Variants in ZAP70 observed in about 807,000 individuals in gnomAD.
The protein encoded by ZAP70 is tyrosine-protein kinase ZAP-70.
A neutral mutation model predicts 65.8 loss-of-function variants in ZAP70; 27 were observed. The observed-to-expected ratio is 0.41, with a 90% CI of 0.30 to 0.57. The LOEUF is 0.57. ZAP70 is among the 20% of genes least tolerant of loss of function. The pLI is 0.28. For synonymous variants in ZAP70, 363 were observed against 360.8 expected, an observed-to-expected ratio of 1.01 and a Z score of -0.07; for missense variants, 696 against 870.5, an observed-to-expected ratio of 0.80 and a Z score of 2.52.
intron 2 of ZAP70, among the ~76,000 whole-genome samples, chr2:97,720,397 T>G (rs924405512): frequency 5.9e-5 from 9 of 152,070 alleles, no homozygotes; most frequent in African/African-American, 2.2e-4. Flanking sequence ...CCGACTAATT[T>G]TTTTGTATTT....
At chr2:97,719,848 C>T (rs1677092941) in intron 2 of ZAP70, among the ~76,000 whole-genome samples, 1 of 152,154 alleles carries the variant, frequency 6.6e-6, no homozygotes, top group Non-Finnish European at 1.5e-5. Flanking sequence ...TCCGTCCTGC[C>T]CTCTGTCGTC....
At chr2:97,734,206 C>G (rs1188792578) in intron 8 of ZAP70, 1 of 511,922 alleles carries the variant, frequency 2.0e-6, no homozygotes, top group Admixed American at 3.9e-5. Context: ...GGGACGGGCC[C>G]GGCCATAGGC....
intron 4 of ZAP70, among the ~76,000 whole-genome samples, chr2:97,730,946 T>A (rs111518023): frequency 3.6e-4 from 54 of 151,506 alleles, no homozygotes; most frequent in Non-Finnish European, 7.1e-4. Context: ...TCCCAGCTAC[T>A]TGGGAGGCTG....
chr2:97,739,330 C>T, intron 13 of ZAP70, 45 bp from the exon 14 acceptor site: 1 of 1,610,588 alleles, frequency 6.2e-7, no homozygotes, highest in Non-Finnish European at 8.5e-7. Context: ...GAAGCTGGGT[C>T]CTGGGGGCGT....
At chr2:97,716,545 G>C (rs1407075178) in intron 2 of ZAP70, among the ~76,000 whole-genome samples, 2 of 152,200 alleles carry the variant, frequency 1.3e-5, no homozygotes, top group Admixed American at 6.5e-5. Context: ...AGGCCTCCTG[G>C]AGGAGGTGAC....
chr2:97,741,505 C>G (rs539399729), downstream of ZAP70, among the ~76,000 whole-genome samples: 4 of 151,200 alleles, frequency 2.6e-5, no homozygotes, highest in Admixed American at 2.0e-4. Flanking sequence ...AGCTCCCCGT[C>G]CCCCCCAGGT....
the ZAP70 span, among the ~76,000 whole-genome samples, chr2:97,755,142 G>A: frequency 3.9e-5 from 6 of 152,172 alleles, no homozygotes; most frequent in Non-Finnish European, 7.3e-5. Flanking sequence ...ACAAGACAAT[G>A]AGAAAAGCAA....
chr2:97,755,073 T>C, the ZAP70 span, among the ~76,000 whole-genome samples: 1 of 152,208 alleles, frequency 6.6e-6, no homozygotes, highest in Non-Finnish European at 1.5e-5. Flanking sequence ...ATGATGTAAC[T>C]AGCCTCCAAC....
chr2:97,724,503 T>C (rs1040401534), intron 3 of ZAP70, 65 bp downstream of exon 3: 27 of 1,508,170 alleles, frequency 1.8e-5, no homozygotes, highest in African/African-American at 2.8e-5. Flanking sequence ...GTCGAGGGTT[T>C]TGGGGGGATA....
At chr2:97,756,129 C>G in the ZAP70 span, among the ~76,000 whole-genome samples, 1 of 151,950 alleles carries the variant, frequency 6.6e-6, no homozygotes, top group Non-Finnish European at 1.5e-5. Context: ...AACAGGCTTT[C>G]AAGTTGTTTT....
At position 97,734,635 on chromosome 2, in the gene ZAP70, T is replaced by A. The variant is rs1424948927; in HGVS notation, c.1005T>A (p.Asp335Glu). Residue 335 changes from aspartate (D) to glutamate (E), a missense_variant, in exon 9 of 14, where the codon GAT becomes GAA. Physicochemically the swap from Asp to Glu is conservative, Grantham distance 45. Transcript: ENST00000264972. ...ACAAGAAGCTCTTCCTGAAGCGCGA[T>A]AACCTCCTCATAGCTGACATTGAAC... ...LKDKKLFLKR[D>E]NLLIADIELG... 1 of 1,614,236 alleles carries A rather than the reference T, an allele frequency of 6.2e-7. No individual in the cohort carries two copies. Among genetic ancestry groups the A allele is most frequent in the Non-Finnish European group, 8.5e-7 (1 of 1,180,030 alleles).
chr2:97,739,176 C>T (rs1678036957), intron 13 of ZAP70, among the ~76,000 whole-genome samples, 199 bp from the exon 14 acceptor site: 1 of 152,150 alleles, frequency 6.6e-6, no homozygotes, highest in Non-Finnish European at 1.5e-5. Context: ...GCTCTGCCTC[C>T]TTAGGCTGTG....
chr2:97,725,196 G>C lies in ZAP70; in HGVS notation c.507G>C (p.Thr169=). Reference sequence around the variant, plus strand: ...TGCCCTGGTACCACAGCAGCCTGACGCGTGAGGAGGCCGAGCGCAAACTTT... The same window carrying C: ...TGCCCTGGTACCACAGCAGCCTGACCCGTGAGGAGGCCGAGCGCAAACTTT... ...ERMPWYHSSL[T]REEAERKLYS... The change falls in exon 4 of 14, where the codon ACG becomes ACC. Residue 169 remains threonine, a synonymous_variant. Transcript: ENST00000264972. 1.9e-6 allele frequency: 3 copies of C among 1,614,212 alleles called. No homozygotes were observed. The highest frequency in any genetic ancestry group is 2.5e-6 in the Non-Finnish European group (3 of 1,180,032).
rs183141396 is a variant in ZAP70 at position 97,734,809 on chromosome 2, C to G, written c.1082+97C>G. 5 of 1,507,892 alleles carry G rather than the reference C, an allele frequency of 3.3e-6. No homozygotes were observed. The Middle Eastern group carries it at 5.2e-4, about 156-fold the overall frequency. 93.4% of individuals were successfully genotyped at this position (1,507,892 alleles called of 1,614,324 possible). ...GACGGGAGCCGGGATGTCTGTCTCA[C>G]AGCAGTTTGCCTGGGAAACAGACTC... On this transcript the variant is annotated intron_variant, in intron 9 of 13. Coordinates refer to ENST00000264972, the MANE Select transcript of ZAP70 (RefSeq NM_001079.4).
chr2:97,735,568 C>A, intron 10 of ZAP70, 112 bp downstream of exon 10: 1 of 1,246,276 alleles, frequency 8.0e-7, no homozygotes, highest in Non-Finnish European at 1.1e-6. Context: ...CACTTCCACA[C>A]CATCGTGGAC....
chr2:97,727,597 AGGCT>A (rs1231959356), intron 4 of ZAP70, among the ~76,000 whole-genome samples: 1 of 152,210 alleles, frequency 6.6e-6, no homozygotes, highest in Non-Finnish European at 1.5e-5. Context: ...GGCTCTCCCC[AGGCT>A]GGACACGCGA....
chr2:97,723,179 A>G (rs944333951), intron 2 of ZAP70, among the ~76,000 whole-genome samples: 2 of 152,206 alleles, frequency 1.3e-5, no homozygotes, highest in Non-Finnish European at 2.9e-5. Context: ...ATCAGAGTTC[A>G]CTTTGAGATT....
chr2:97,733,843 T>G, intron 8 of ZAP70: 1 of 595,574 alleles, frequency 1.7e-6, no homozygotes, highest in South Asian at 1.9e-5. Flanking sequence ...GACACACGTT[T>G]GTTGAGTACC....
rs201929256 is a variant in ZAP70, at chr2:97,737,906, G to C, written c.1623+9G>C. 3.1e-6 allele frequency: 5 copies of C among 1,613,990 alleles called. No individual in the cohort carries two copies. Among genetic ancestry groups the C allele is most frequent in the East Asian group, 4.5e-5 (2 of 44,892 alleles). On this transcript the variant is annotated intron_variant, in intron 12 of 13. Transcript: ENST00000264972. This position sits in a 1 kb window ranked among gnomAD's most constrained non-coding sequence, Gnocchi z 5.0. Reference sequence around the variant, plus strand: ...GCCAGAAGCCCTACAAGGCAGGCGCGGGCAGAGGCAGGTGGGCGGTGTGGT... The same window carrying C: ...GCCAGAAGCCCTACAAGGCAGGCGCCGGCAGAGGCAGGTGGGCGGTGTGGT...
Sources: allele counts gnomAD v4.1 joint callset (sites outside exome capture counted in the v4.1 genomes callset), GRCh38; gene constraint gnomAD v4.1.1; non-coding constraint Gnocchi (gnomAD v3.1); transcripts MANE v1.5; gene names NCBI Gene and HGNC (gene_info 2026-07-23, HGNC 2026-07-21).